The following EYS variants were observed in gnomAD, a reference collection of about 807,000 sequenced individuals.
EYS encodes EGF-like photoreceptor maintenance factor, also known as protein eyes shut homolog.
Under a neutral mutation model 282.1 loss-of-function variants are expected in EYS, and 250 were observed. The observed-to-expected ratio is 0.89, with a 90% CI of 0.80 to 0.98. The LOEUF is 0.98. Ranked by LOEUF, EYS falls within the 50% of genes least tolerant of loss-of-function variation. EYS has a pLI of 0.00. For synonymous variants in EYS, 1,355 were observed against 1,282.9 expected, an observed-to-expected ratio of 1.06 and a Z score of -1.20; for missense variants, 4,016 against 3,709.0, an observed-to-expected ratio of 1.08 and a Z score of -2.15.
chr6:64,319,582 A>G (rs771071396), intron 29 of EYS, among the ~76,000 whole-genome samples: 1 of 151,930 alleles, frequency 6.6e-6, no homozygotes, highest in Non-Finnish European at 1.5e-5. Flanking sequence ...TTGAAAAACT[A>G]TATATTAAAT....
intron 15 of EYS, among the ~76,000 whole-genome samples, chr6:64,938,798 T>C (rs1412379594): frequency 6.6e-6 from 1 of 151,732 alleles, no homozygotes; most frequent in Non-Finnish European, 1.5e-5. Flanking sequence ...ACAATTTTTG[T>C]CAATATACAA....
intron 25 of EYS, 136 bp from the exon 26 acceptor site, chr6:64,592,125 C>A: frequency 1.8e-6 from 1 of 540,704 alleles, no homozygotes; most frequent in South Asian, 4.0e-5. Flanking sequence ...TTCTGTAAAT[C>A]ATATTTCTAA....
At chr6:64,749,323 A>C (rs2149967951) in intron 22 of EYS, among the ~76,000 whole-genome samples, 1 of 152,282 alleles carries the variant, frequency 6.6e-6, no homozygotes, top group African/African-American at 2.4e-5. Flanking sequence ...AATCTGATTT[A>C]TTTAAGACCT....
At chr6:65,128,574 A>G (rs1425414701) in intron 12 of EYS, among the ~76,000 whole-genome samples, 1 of 152,032 alleles carries the variant, frequency 6.6e-6, no homozygotes, top group Non-Finnish European at 1.5e-5. Flanking sequence ...TTCTATTTAC[A>G]TTAGCTAAAA....
intron 35 of EYS, among the ~76,000 whole-genome samples, chr6:63,872,396 G>A (rs950899900): frequency 6.6e-6 from 1 of 150,692 alleles, no homozygotes; most frequent in Non-Finnish European, 1.5e-5. Flanking sequence ...GTATATGTGT[G>A]TCTTCTGATT....
In EYS at chr6:65,618,418, T is replaced by A. The variant is rs1245686731; in HGVS notation, c.-333+21360A>T. Among the ~76,000 whole-genome samples, 71 of 152,246 alleles carry A rather than the reference T, an allele frequency of 4.7e-4. 1 individual carries two copies. Among genetic ancestry groups the A allele is most frequent in the African/African-American group, 1.1e-3 (46 of 41,560 alleles). ...TGGGGCTGTTTGTTTTTTTCTTGTA[T>A]ATTTGTTTGAGTTCATTGTAGATTC... is the stretch of plus-strand genomic sequence containing the variant. On this transcript the variant is annotated intron_variant, in intron 2 of 42. Coordinates refer to ENST00000503581, the MANE Select transcript of EYS (RefSeq NM_001142800.2).
At chr6:64,044,296 G>A (rs989536245) in intron 33 of EYS, among the ~76,000 whole-genome samples, 5 of 152,144 alleles carry the variant, frequency 3.3e-5, no homozygotes, top group Non-Finnish European at 7.4e-5. Flanking sequence ...CTTGATCACT[G>A]GTTAAATTGT....
At chr6:64,116,245 T>G (rs1467870368) in intron 31 of EYS, among the ~76,000 whole-genome samples, 3 of 151,990 alleles carry the variant, frequency 2.0e-5, no homozygotes, top group African/African-American at 4.8e-5. Context: ...AAAAAGAATT[T>G]TGAAAGCAAC....
chr6:65,123,441 C>T (rs761531521), intron 12 of EYS, among the ~76,000 whole-genome samples: 6 of 151,996 alleles, frequency 3.9e-5, no homozygotes, highest in Middle Eastern at 3.4e-3. Context: ...AATTAAGTTG[C>T]GTATATGGAC....
In EYS at chr6:64,590,401, A is replaced by G. The variant is rs1483971099; in HGVS notation, c.5466T>C (p.Asp1822=). ...CCTCTTTTTTAAGAGAGGTCATATA[A>G]TCTGTAAAATATGGCCAATCTGGCC... The part of the protein sequence containing the change: ...VIRPDWPYFT[D]YMTSLKKEVK... Residue 1822 remains aspartate (D), a synonymous_variant, in exon 26 of 43, where the codon GAT becomes GAC. Coordinates refer to ENST00000503581, the MANE Select transcript of EYS (RefSeq NM_001142800.2). The G allele has an allele frequency of 6.4e-7, 1 of 1,551,246 alleles. No individual in the cohort carries two copies.
intron 40 of EYS, among the ~76,000 whole-genome samples, chr6:63,774,634 G>A (rs1770018684): frequency 6.6e-6 from 1 of 151,976 alleles, no homozygotes; most frequent in South Asian, 2.1e-4. Flanking sequence ...GTGAGGTAAT[G>A]CATATGTTAA....
intron 12 of EYS, among the ~76,000 whole-genome samples, chr6:65,176,802 G>A (rs1458282420): frequency 6.6e-6 from 1 of 151,496 alleles, no homozygotes; most frequent in Non-Finnish European, 1.5e-5. Flanking sequence ...CCTAAATGGT[G>A]GGTAACATCA....
chr6:64,234,244 G>A (rs1766515605), intron 30 of EYS, among the ~76,000 whole-genome samples: 1 of 146,484 alleles, frequency 6.8e-6, no homozygotes, highest in Admixed American at 7.0e-5. Flanking sequence ...TATATCTCAT[G>A]TAAAGAAAAC....
At chr6:65,309,543 T>C (rs1350894516) in intron 11 of EYS, among the ~76,000 whole-genome samples, 4 of 152,190 alleles carry the variant, frequency 2.6e-5, no homozygotes, top group East Asian at 3.9e-4. Context: ...ACTGAGGAGC[T>C]TATAGCTTAA....
chr6:65,273,870 C>T (rs1271610232), intron 12 of EYS, among the ~76,000 whole-genome samples: 1 of 152,140 alleles, frequency 6.6e-6, no homozygotes, highest in African/African-American at 2.4e-5. Flanking sequence ...ATAAACAATC[C>T]TCCTGTTCTC....
intron 35 of EYS, among the ~76,000 whole-genome samples, chr6:63,970,465 C>T (rs1234311406): frequency 6.6e-6 from 1 of 152,106 alleles, no homozygotes; most frequent in African/African-American, 2.4e-5. Context: ...GAAACTCTGT[C>T]TCTACTAAAA....
At chr6:64,009,353 G>A (rs1442633795) in intron 33 of EYS, among the ~76,000 whole-genome samples, 1 of 150,096 alleles carries the variant, frequency 6.7e-6, no homozygotes, top group African/African-American at 2.5e-5. Flanking sequence ...GCGTGATCTC[G>A]GCTCACTGCA....
chr6:64,117,135 C>A (rs1307775409), intron 31 of EYS, among the ~76,000 whole-genome samples: 1 of 151,914 alleles, frequency 6.6e-6, no homozygotes, highest in Admixed American at 6.6e-5. Flanking sequence ...CAAGCACATG[C>A]AGAACATTCT....
At chr6:64,331,366 G>C (rs1472545867) in intron 29 of EYS, among the ~76,000 whole-genome samples, 3 of 152,128 alleles carry the variant, frequency 2.0e-5, no homozygotes, top group Non-Finnish European at 4.4e-5. Flanking sequence ...AAACAGGAGG[G>C]CGTGACGAGG....
Sources: gnomAD v4.1 joint callset for allele counts (sites outside exome capture counted in the v4.1 genomes callset) on GRCh38, gnomAD v4.1.1 for gene constraint, MANE v1.5 for transcripts, NCBI Gene and HGNC (gene_info 2026-07-23, HGNC 2026-07-21) for gene names.